SLC44A2: variants seen among roughly 807,000 people sequenced by gnomAD.
The protein encoded by SLC44A2 is solute carrier family 44 member 2 (CTL2 blood group).
In SLC44A2, 57 loss-of-function variants were observed where a neutral mutation model predicts 90.8. The ratio of observed to expected loss-of-function variants is 0.63; its 90% confidence interval spans 0.51 to 0.78. The LOEUF is 0.78. SLC44A2 is among the 30% of genes least tolerant of loss of function. The pLI is 0.00. For missense variants in SLC44A2, 794 were observed against 919.7 expected (o/e 0.86, Z 1.77); for synonymous variants, 355 against 360.7 (o/e 0.98, Z 0.18).
At chr19:10,603,738 A>T (rs963266940) in intron 1 of SLC44A2, among the ~76,000 whole-genome samples, 41 of 152,256 alleles carry the variant, frequency 2.7e-4, no homozygotes, top group African/African-American at 9.4e-4. Flanking sequence ...TTTGGGCTCA[A>T]ATTCCAGCCC....
At position 10,627,432 on chromosome 19, in the gene SLC44A2, T is replaced by C. The variant is rs149700227; in HGVS notation, c.87-290T>C. Among the ~76,000 whole-genome samples the C allele has an allele frequency of 6.1e-3, 923 of 152,086 alleles. 11 individuals carry two copies. The highest frequency in any genetic ancestry group is 0.022 in the African/African-American group (896 of 41,478). Reference sequence around the variant, plus strand: ...GGTGTGCACCTGTAGTCTCAACTACTTGGGAAGCTGAGGCAGGAGGATCAC... The same window carrying C: ...GGTGTGCACCTGTAGTCTCAACTACCTGGGAAGCTGAGGCAGGAGGATCAC... On this transcript the variant is annotated intron_variant, in intron 2 of 21. Coordinates refer to ENST00000335757, the MANE Select transcript of SLC44A2 (RefSeq NM_020428.4).
upstream of SLC44A2, chr19:10,625,374 G>C (rs1238409281): frequency 1.1e-6 from 1 of 942,130 alleles, no homozygotes; most frequent in Non-Finnish European, 1.4e-6. Flanking sequence ...CAGGGTTCCC[G>C]GGTGGGGGCG....
chr19:10,636,807 A>AT (rs1403244868), intron 16 of SLC44A2, 51 bp downstream of exon 16: 2 of 1,553,308 alleles, frequency 1.3e-6, no homozygotes, highest in Non-Finnish European at 1.7e-6. Flanking sequence ...GCGAGGCTGA[A>AT]TAGCGAACCA....
intron 10 of SLC44A2, among the ~76,000 whole-genome samples, chr19:10,634,127 C>T (rs979664778): frequency 3.4e-5 from 5 of 146,584 alleles, no homozygotes; most frequent in African/African-American, 1.3e-4. Context: ...CCCACCACCA[C>T]GCCCAGCTAA....
In SLC44A2 at chr19:10,634,747, C is replaced by T; in HGVS notation, c.824-9C>T. 1 of 1,614,126 alleles carries T rather than the reference C, an allele frequency of 6.2e-7. No individual in the cohort carries two copies. The highest frequency in any genetic ancestry group is 8.5e-7 in the Non-Finnish European group (1 of 1,180,028). On this transcript the variant is annotated splice_polypyrimidine_tract_variant and intron_variant, in intron 10 of 21. Coordinates refer to ENST00000335757, the MANE Select transcript of SLC44A2 (RefSeq NM_020428.4). ...ACTGCTGGACTGAGCTTGTGGTTCC[C>T]CCATGCAGGAATATTTCACTGCTAC...
chr19:10,641,092 G>A, intron 20 of SLC44A2: 1 of 331,772 alleles, frequency 3.0e-6, no homozygotes, highest in Non-Finnish European at 5.4e-6. Flanking sequence ...GTCTCAGGAG[G>A]GAAAAAAAAA....
intron 1 of SLC44A2, among the ~76,000 whole-genome samples, chr19:10,609,273 T>C (rs1330427152): frequency 6.6e-6 from 1 of 151,132 alleles, no homozygotes; most frequent in Non-Finnish European, 1.5e-5. Flanking sequence ...CATTTTAAAT[T>C]GAAGTATAAT....
At chr19:10,638,846 C>G (rs1217995252) in intron 20 of SLC44A2, among the ~76,000 whole-genome samples, 1 of 149,288 alleles carries the variant, frequency 6.7e-6, no homozygotes, top group East Asian at 2.0e-4. Context: ...GTTGCCCAGG[C>G]TGGAGTGCAA....
chr19:10,624,029 G>A (rs2066910780), upstream of SLC44A2, among the ~76,000 whole-genome samples: 1 of 150,840 alleles, frequency 6.6e-6, no homozygotes. Context: ...TGAGACACTC[G>A]CTCTGTCACC....
chr19:10,619,447 G>GT lies in SLC44A2; in HGVS notation c.32-6792dup, dbSNP rs929005868. Among the ~76,000 whole-genome samples the GT allele has an allele frequency of 7.9e-3, 1,041 of 132,472 alleles. 9 individuals carry two copies. The highest frequency in any genetic ancestry group is 0.02 in the African/African-American group (727 of 35,894). The allele number at this position is 132,472 out of a possible 152,430, so 86.9% of individuals were successfully genotyped here. On this transcript the variant is annotated intron_variant, in intron 1 of 21. Transcript: ENST00000407327. ...TGTTTCAGAAAAAAAAAAAAAAAGT[G>GT]TTTTTTTTTTTTTTAAGCCTCAGAG...
intron 1 of SLC44A2, 32 bp from the exon 2 acceptor site, chr19:10,626,221 A>G (rs2066932122): frequency 4.4e-6 from 7 of 1,595,246 alleles, no homozygotes; most frequent in South Asian, 3.3e-5. Context: ...CAGGTCTCCA[A>G]TCCCATCCAT....
chr19:10,624,855 C>A (rs1332654102), upstream of SLC44A2, among the ~76,000 whole-genome samples: 1 of 152,184 alleles, frequency 6.6e-6, no homozygotes, highest in Non-Finnish European at 1.5e-5. Flanking sequence ...TGTTCTAAGA[C>A]CAGGCCCAGT....
At position 10,643,392 on chromosome 19, in the gene SLC44A2, C is replaced by A; in HGVS notation, c.*7C>A. The A allele has an allele frequency of 6.2e-7, 1 of 1,605,340 alleles. No homozygotes were observed. The highest frequency in any genetic ancestry group is 2.2e-5 in the East Asian group (1 of 44,558). ...GAAGGCAGCGGAGTCCTGAAGGCCC[C>A]GTGCTCCCCACCTCTCAAGGAGTCT... On this transcript the variant is annotated 3_prime_UTR_variant, in exon 22 of 22. Transcript: ENST00000335757.
At chr19:10,634,137 A>ATTTTTTTTT (rs1177075276) in intron 10 of SLC44A2, among the ~76,000 whole-genome samples, 2,839 of 80,288 alleles carry the variant, frequency 0.035, no homozygotes, top group Middle Eastern at 0.044. Flanking sequence ...CGCCCAGCTA[A>ATTTTTTTTT]TTTTTTTTTT....
At chr19:10,613,375 G>A (rs766852135) in intron 1 of SLC44A2, among the ~76,000 whole-genome samples, 2 of 151,454 alleles carry the variant, frequency 1.3e-5, no homozygotes, top group African/African-American at 4.9e-5. Context: ...TCAGCCTCCC[G>A]AGTAGCTGGG....
At chr19:10,609,827 G>T (rs1918231831) in intron 1 of SLC44A2, among the ~76,000 whole-genome samples, 1 of 151,816 alleles carries the variant, frequency 6.6e-6, no homozygotes, top group Non-Finnish European at 1.5e-5. Context: ...TATTTTTTGA[G>T]ACAGAATCTG....
In SLC44A2 at chr19:10,644,182, C is replaced by T. The variant is rs2067145833; in HGVS notation, c.*797C>T. ...CTTCCTCTGCCAGTTATTGACACAG[C>T]TCTCTTTGTAAGAGAGGAAAGAAAC... On this transcript the variant is annotated 3_prime_UTR_variant, in exon 22 of 22. Coordinates refer to ENST00000335757, the MANE Select transcript of SLC44A2 (RefSeq NM_020428.4). 1 of 152,634 alleles carries T rather than the reference C, an allele frequency of 6.6e-6. No individual in the cohort carries two copies. Among genetic ancestry groups the T allele is most frequent in the Non-Finnish European group, 1.5e-5 (1 of 68,110 alleles). 9.5% of individuals were successfully genotyped at this position (152,634 alleles called of 1,614,324 possible).
chr19:10,613,627 G>A (rs1015347506), intron 1 of SLC44A2, among the ~76,000 whole-genome samples: 1 of 152,120 alleles, frequency 6.6e-6, no homozygotes, highest in African/African-American at 2.4e-5. Flanking sequence ...CAGGAGGACT[G>A]CTTGAACCCA....
intron 20 of SLC44A2, among the ~76,000 whole-genome samples, chr19:10,639,439 T>TG (rs34277129): frequency 6.6e-5 from 10 of 150,964 alleles, no homozygotes; most frequent in East Asian, 3.9e-4. Flanking sequence ...TGGGCAGGTG[T>TG]GGGGGGGGTC....
Sources: allele counts gnomAD v4.1 joint callset (sites outside exome capture counted in the v4.1 genomes callset), GRCh38; gene constraint gnomAD v4.1.1; transcripts MANE v1.5; gene names NCBI Gene and HGNC (gene_info 2026-07-23, HGNC 2026-07-21).